Variants in ORC4 observed in about 807,000 individuals in gnomAD.
The protein encoded by ORC4 is origin recognition complex subunit 4.
In ORC4, 55 loss-of-function variants were observed where a neutral mutation model predicts 63.9. That is an observed-to-expected ratio of 0.86 (90% CI 0.69 to 1.08). The LOEUF (loss-of-function observed/expected upper bound fraction) is 1.08, where lower values mean the gene tolerates loss of function less well. Among genes scored for constraint, ORC4 ranks in the 50% least tolerant of loss-of-function variants. The pLI is 0.00. For missense variants in ORC4, 511 were observed against 504.4 expected, an observed-to-expected ratio of 1.01 and a Z score of -0.13; for synonymous variants, 150 against 168.5, an observed-to-expected ratio of 0.89 and a Z score of 0.85.
chr2:147,987,435 T>C (rs1014438320), intron 1 of ORC4, among the ~76,000 whole-genome samples: 9 of 150,448 alleles, frequency 6.0e-5, no homozygotes, highest in Admixed American at 1.3e-4. Flanking sequence ...TTTTAAATTA[T>C]TTTTTCTACA....
chr2:147,995,841 T>C (rs1420010186), intron 1 of ORC4, among the ~76,000 whole-genome samples: 1 of 152,088 alleles, frequency 6.6e-6, no homozygotes, highest in Non-Finnish European at 1.5e-5. Flanking sequence ...GCTTCATTCT[T>C]GAAGTCAGCG....
chr2:147,943,079 G>C (rs192404594), intron 10 of ORC4, among the ~76,000 whole-genome samples: 2 of 152,186 alleles, frequency 1.3e-5, no homozygotes, highest in East Asian at 3.9e-4. Context: ...TGTGTAGTAA[G>C]AGCTATAAAA....
chr2:147,999,954 A>G (rs774994105), intron 1 of ORC4, among the ~76,000 whole-genome samples: 8 of 151,996 alleles, frequency 5.3e-5, no homozygotes, highest in Non-Finnish European at 1.0e-4. Flanking sequence ...AGGATATAAT[A>G]AGAAAATTAT....
At position 148,015,543 on chromosome 2, in the gene ORC4, T is replaced by C. The variant is rs140982932; in HGVS notation, c.-18+5090A>G. Among the ~76,000 whole-genome samples, 379 of 152,102 alleles carry C rather than the reference T, an allele frequency of 2.5e-3. 2 individuals carry two copies. Among genetic ancestry groups the C allele is most frequent in the African/African-American group, 8.4e-3 (350 of 41,514 alleles). On this transcript the variant is annotated intron_variant, in intron 1 of 13. Coordinates refer to ENST00000392857, the MANE Select transcript of ORC4 (RefSeq NM_181741.4). ...GTTAGCCAGGATGGTATCGATCTCC[T>C]GACCTCGTGATCCGCCCACCTCAGC...
chr2:147,935,134 T>G lies in ORC4; in HGVS notation c.*376A>C. 4.8e-6 allele frequency: 1 copy of G among 210,422 alleles called. No individual in the cohort carries two copies. Among genetic ancestry groups the G allele is most frequent in the South Asian group, 7.7e-5 (1 of 12,998 alleles). The allele number at this position is 210,422 out of a possible 1,614,324, so 13.0% of individuals were successfully genotyped here. On this transcript the variant is annotated 3_prime_UTR_variant, in exon 14 of 14. Coordinates refer to ENST00000392857, the MANE Select transcript of ORC4 (RefSeq NM_181741.4). The stretch of plus-strand genomic sequence containing the variant: ...CTGTACCAAAGGTTACTTATTATAC[T>G]TCAGTGCTTACCATTGTTTTTTTTA...
rs769074529 is a variant in ORC4, at chr2:147,948,176, G to T, written c.637C>A (p.Arg213=). 1 of 1,609,080 alleles carries T rather than the reference G, an allele frequency of 6.2e-7. No individual in the cohort carries two copies. The highest frequency in any genetic ancestry group is 1.1e-5 in the South Asian group (1 of 90,440). ...EKRVKSRFSH[R]QIHLMNSFGF... ...AATGAATTCATTAAGTGTATCTGCC[G>T]GTGAGAAAATCTTGACTTCACTCTT... The change falls in exon 9 of 14, where the codon CGG becomes AGG. Residue 213 remains arginine (R), a synonymous_variant. Transcript: ENST00000392857.
intron 12 of ORC4, 29 bp from the exon 13 acceptor site, chr2:147,938,242 C>A (rs754507961): frequency 6.3e-7 from 1 of 1,599,050 alleles, no homozygotes; most frequent in Non-Finnish European, 8.6e-7. Context: ...CAACATTATA[C>A]CTTCAAATAA....
intron 4 of ORC4, 28 bp from the exon 5 acceptor site, chr2:147,958,894 A>C (rs374306679): frequency 2.2e-6 from 2 of 911,656 alleles, no homozygotes; most frequent in Non-Finnish European, 3.6e-6. Flanking sequence ...ATGAAATAAT[A>C]ATAGGTAAAA....
chr2:148,019,435 CA>C (rs1350275144), intron 1 of ORC4, among the ~76,000 whole-genome samples: 1 of 152,014 alleles, frequency 6.6e-6, no homozygotes, highest in African/African-American at 2.4e-5. Flanking sequence ...ACTGAAAACA[CA>C]AAAAAATTAG....
intron 10 of ORC4, among the ~76,000 whole-genome samples, chr2:147,939,887 T>A (rs964963426): frequency 3.3e-5 from 5 of 152,188 alleles, no homozygotes; most frequent in African/African-American, 1.2e-4. Flanking sequence ...AAGTTAAATT[T>A]GGTCATTTAG....
chr2:148,000,048 A>G (rs1255354932), intron 1 of ORC4, among the ~76,000 whole-genome samples: 1 of 151,590 alleles, frequency 6.6e-6, no homozygotes, highest in African/African-American at 2.4e-5. Flanking sequence ...TAAATTTTCC[A>G]GAAAGTATGA....
intron 1 of ORC4, among the ~76,000 whole-genome samples, chr2:148,019,577 G>A (rs911821800): frequency 6.6e-6 from 1 of 152,198 alleles, no homozygotes; most frequent in South Asian, 2.1e-4. Flanking sequence ...GAGACAGAGC[G>A]AGACTCCGTC....
At chr2:148,015,153 TAGAGTG>T (rs1693197678) in intron 1 of ORC4, among the ~76,000 whole-genome samples, 1 of 149,360 alleles carries the variant, frequency 6.7e-6, no homozygotes, top group Non-Finnish European at 1.5e-5. Context: ...ACAAAAAGAT[TAGAGTG>T]AAACAGCAGA....
Position 147,932,061 on chromosome 2 carries a change from G to A in ORC4, c.*3449C>T, listed in dbSNP as rs376752347. The A allele has an allele frequency of 1.3e-5, 2 of 151,850 alleles. No homozygotes were observed. The highest frequency in any genetic ancestry group is 2.4e-5 in the African/African-American group (1 of 41,328). The allele number at this position is 151,850 out of a possible 1,614,324, so 9.4% of individuals were successfully genotyped here. On this transcript the variant is annotated 3_prime_UTR_variant, in exon 14 of 14. Coordinates refer to ENST00000392857, the MANE Select transcript of ORC4 (RefSeq NM_181741.4). Reference sequence around the variant, plus strand: ...GATTGTATATCTAGAAAACCCCATCGTCTCAGCCCAAAATCTCCTTAAGCT... The same window carrying A: ...GATTGTATATCTAGAAAACCCCATCATCTCAGCCCAAAATCTCCTTAAGCT...
intron 1 of ORC4, among the ~76,000 whole-genome samples, chr2:148,010,936 C>A (rs1399128152): frequency 7.1e-6 from 1 of 140,902 alleles, no homozygotes; most frequent in African/African-American, 2.7e-5. Flanking sequence ...TCAAGCGATT[C>A]TCCTGCCTCA....
At chr2:148,001,166 A>G (rs1237922321) in intron 1 of ORC4, among the ~76,000 whole-genome samples, 1 of 152,160 alleles carries the variant, frequency 6.6e-6, no homozygotes, top group Non-Finnish European at 1.5e-5. Flanking sequence ...AATCTGAAGG[A>G]AAATATTCTG....
At chr2:148,008,266 C>T (rs928747471) in intron 1 of ORC4, among the ~76,000 whole-genome samples, 8 of 152,134 alleles carry the variant, frequency 5.3e-5, no homozygotes, top group South Asian at 2.1e-4. Context: ...ATACTCTAAC[C>T]GCTCATATCT....
chr2:147,952,344 C>A (rs762949213), intron 8 of ORC4, 29 bp downstream of exon 8: 2 of 1,489,884 alleles, frequency 1.3e-6, no homozygotes, highest in South Asian at 2.4e-5. Context: ...ATATTATAAT[C>A]AATTTTTTTA....
In ORC4 at chr2:147,935,701, G is replaced by A. The variant is rs199592262; in HGVS notation, c.1123-3C>T. 2.5e-6 allele frequency: 4 copies of A among 1,609,964 alleles called. No homozygotes were observed. The highest frequency in any genetic ancestry group is 3.4e-6 in the Non-Finnish European group (4 of 1,177,970). ...AATTGCTGCAAGTGTTCAAAAGCCT[G>A]AAAGATGAAAGAAATAGTTTAGGTT... is the stretch of plus-strand genomic sequence containing the variant. On this transcript the variant is annotated splice_polypyrimidine_tract_variant and splice_region_variant and intron_variant, in intron 13 of 13. Transcript: ENST00000392857.
Sources: allele counts gnomAD v4.1 joint callset (sites outside exome capture counted in the v4.1 genomes callset), GRCh38; gene constraint gnomAD v4.1.1; transcripts MANE v1.5; gene names NCBI Gene and HGNC (gene_info 2026-07-23, HGNC 2026-07-21).